Variants in KCNAB1 observed in about 807,000 individuals in gnomAD.
KCNAB1 encodes potassium voltage-gated channel subfamily A regulatory beta subunit 1.
KCNAB1 carries 35 observed loss-of-function variants against 64.6 expected under a neutral mutation model. That is an observed-to-expected ratio of 0.54 (90% confidence interval 0.41 to 0.72). The LOEUF is 0.72. Among genes scored for constraint, KCNAB1 ranks in the 30% least tolerant of loss-of-function variants. KCNAB1 has a pLI of 0.00. For missense variants in KCNAB1, 401 were observed against 512.9 expected, an observed-to-expected ratio of 0.78 and a Z score of 2.11; for synonymous variants, 177 against 183.8, an observed-to-expected ratio of 0.96 and a Z score of 0.30.
chr3:156,512,339 C>T (rs548169914), intron 8 of KCNAB1, among the ~76,000 whole-genome samples: 1 of 152,352 alleles, frequency 6.6e-6, no homozygotes, highest in East Asian at 1.9e-4. Flanking sequence ...CTGCTTTTGT[C>T]AAGGACTCCC....
At chr3:156,461,346 AGTGG>A (rs1370724215) in intron 5 of KCNAB1, among the ~76,000 whole-genome samples, 1 of 152,212 alleles carries the variant, frequency 6.6e-6, no homozygotes. Flanking sequence ...CTTAGCTTCC[AGTGG>A]TTGCCAGCCA....
chr3:156,288,857 A>G (rs1268242908), intron 1 of KCNAB1, among the ~76,000 whole-genome samples: 1 of 152,078 alleles, frequency 6.6e-6, no homozygotes, highest in Non-Finnish European at 1.5e-5. Flanking sequence ...AACGTGCAGG[A>G]TTTTCTTTCT....
intron 2 of KCNAB1, among the ~76,000 whole-genome samples, chr3:156,448,404 G>A (rs1322000125): frequency 6.6e-6 from 1 of 152,216 alleles, no homozygotes; most frequent in Non-Finnish European, 1.5e-5. Context: ...TTCTTCTGGA[G>A]TGGAGCACAG....
chr3:156,227,312 A>G (rs1217705562), intron 1 of KCNAB1, among the ~76,000 whole-genome samples: 1 of 152,230 alleles, frequency 6.6e-6, no homozygotes, highest in Non-Finnish European at 1.5e-5. Context: ...CTAATTTAAA[A>G]AGCAAAGACA....
chr3:156,185,746 T>A (rs915499593), intron 1 of KCNAB1, among the ~76,000 whole-genome samples: 9 of 152,138 alleles, frequency 5.9e-5, no homozygotes, highest in Admixed American at 5.9e-4. Context: ...AGTATTTTTT[T>A]TTTCTCGTAT....
chr3:156,181,642 G>A (rs1712827374), intron 1 of KCNAB1, among the ~76,000 whole-genome samples: 1 of 152,188 alleles, frequency 6.6e-6, no homozygotes, highest in Non-Finnish European at 1.5e-5. Flanking sequence ...CATGAACACA[G>A]TGAATCAGAG....
At chr3:156,319,554 TG>T (rs1238544317) in intron 1 of KCNAB1, among the ~76,000 whole-genome samples, 1 of 152,196 alleles carries the variant, frequency 6.6e-6, no homozygotes, top group Non-Finnish European at 1.5e-5. Context: ...TACCATTTGC[TG>T]GGAATGCAGG....
At chr3:156,207,072 C>T (rs1714710783) in intron 1 of KCNAB1, among the ~76,000 whole-genome samples, 1 of 152,054 alleles carries the variant, frequency 6.6e-6, no homozygotes, top group Non-Finnish European at 1.5e-5. Context: ...CTATTTTGTG[C>T]CAATTATCTT....
At chr3:156,248,508 T>C (rs1717604476) in intron 1 of KCNAB1, among the ~76,000 whole-genome samples, 2 of 151,252 alleles carry the variant, frequency 1.3e-5, no homozygotes, top group African/African-American at 4.9e-5. Flanking sequence ...CAGACCCCTC[T>C]GTTTCTGAGC....
At chr3:156,457,914 G>C (rs572694742) in intron 4 of KCNAB1, among the ~76,000 whole-genome samples, 2 of 152,186 alleles carry the variant, frequency 1.3e-5, no homozygotes, top group Admixed American at 6.5e-5. Context: ...TTGCTCAAAA[G>C]TTAGTCTTTT....
At chr3:156,153,248 C>A (rs1019713247) in intron 1 of KCNAB1, among the ~76,000 whole-genome samples, 2 of 152,152 alleles carry the variant, frequency 1.3e-5, no homozygotes, top group African/African-American at 4.8e-5. Flanking sequence ...TACCAAAAAT[C>A]CAAGTATCCT....
chr3:156,170,902 A>G (rs1293998773), intron 1 of KCNAB1, among the ~76,000 whole-genome samples: 2 of 152,212 alleles, frequency 1.3e-5, no homozygotes, highest in African/African-American at 4.8e-5. Context: ...ACATAGCAGA[A>G]CAATTTCCTG....
intron 1 of KCNAB1, among the ~76,000 whole-genome samples, chr3:156,336,574 T>A (rs567291732): frequency 2.0e-5 from 3 of 152,216 alleles, no homozygotes; most frequent in East Asian, 1.9e-4. Flanking sequence ...TTAAGGACAT[T>A]TGGGTGCTGA....
At chr3:156,328,502 A>G (rs1723129464) in intron 1 of KCNAB1, among the ~76,000 whole-genome samples, 1 of 152,082 alleles carries the variant, frequency 6.6e-6, no homozygotes, top group Non-Finnish European at 1.5e-5. Flanking sequence ...CTGGATATGA[A>G]TTTGGTGCTC....
At chr3:156,504,555 A>G (rs1001732358) in intron 8 of KCNAB1, among the ~76,000 whole-genome samples, 2 of 151,924 alleles carry the variant, frequency 1.3e-5, no homozygotes, top group Non-Finnish European at 2.9e-5. Context: ...TTTTCTCCAC[A>G]TTCTTGCCAG....
chr3:156,434,700 T>G (rs75076223), intron 2 of KCNAB1, among the ~76,000 whole-genome samples: 5,444 of 151,964 alleles, frequency 0.036, 329 homozygotes, highest in African/African-American at 0.13. Flanking sequence ...GGAAATCAAA[T>G]TTGAAATGTA....
At chr3:156,398,707 A>T (rs1431946350) in intron 1 of KCNAB1, among the ~76,000 whole-genome samples, 2 of 151,734 alleles carry the variant, frequency 1.3e-5, no homozygotes, top group African/African-American at 4.8e-5. Context: ...CAGCACATGT[A>T]TCCCAGAACT....
chr3:156,459,748 G>A, intron 4 of KCNAB1, 79 bp from the exon 5 acceptor site: 1 of 1,053,276 alleles, frequency 9.5e-7, no homozygotes, highest in South Asian at 1.4e-5. Flanking sequence ...TTCAAACAAG[G>A]AATGGTTCTT....
At chr3:156,143,405 C>G (rs774589272) in intron 1 of KCNAB1, 2 of 1,589,470 alleles carry the variant, frequency 1.3e-6, no homozygotes, top group East Asian at 4.5e-5. Flanking sequence ...AGAGCAGAGA[C>G]GGGCATGGCA....
Sources: allele counts gnomAD v4.1 joint callset (sites outside exome capture counted in the v4.1 genomes callset), GRCh38; gene constraint gnomAD v4.1.1; transcripts MANE v1.5; gene names NCBI Gene and HGNC (gene_info 2026-07-23, HGNC 2026-07-21).